The following PLAT variants were observed in gnomAD, a reference collection of about 807,000 sequenced individuals.
PLAT encodes plasminogen activator, tissue type.
In PLAT, 48 loss-of-function variants were observed where a neutral mutation model predicts 74.9. That is an observed-to-expected ratio of 0.64 (90% CI 0.51 to 0.82). The LOEUF (loss-of-function observed/expected upper bound fraction) is 0.82, where lower values mean the gene tolerates loss of function less well. PLAT is among the 40% of genes least tolerant of loss of function. PLAT has a pLI of 0.00. For synonymous variants in PLAT, 307 were observed against 294.4 expected (o/e 1.04, Z -0.44); for missense variants, 673 against 736.2 (o/e 0.91, Z 0.99).
intron 1 of PLAT, among the ~76,000 whole-genome samples, chr8:42,204,879 G>A (rs561636201): frequency 3.9e-5 from 6 of 152,066 alleles, no homozygotes; most frequent in African/African-American, 1.2e-4. Flanking sequence ...TTAGCCGGGC[G>A]TGGTGGCTTC....
rs776079671 is a variant in PLAT, at chr8:42,187,990, C to T, written c.280G>A (p.Gly94Arg). ...TACAGGGCCTGCTGGCAGGTGCCCCCGTTGAAACACCTTGGCTCGCTGCAA... is the reference window on the plus strand; with the variant it reads ...TACAGGGCCTGCTGGCAGGTGCCCCTGTTGAAACACCTTGGCTCGCTGCAA... ...KSCSEPRCFN[G>R]GTCQQALYFS... is the part of the protein sequence containing the mutation. Residue 94 changes from glycine to arginine, a missense_variant, in exon 5 of 14, where the codon GGG becomes AGG. Coordinates refer to ENST00000220809, the MANE Select transcript of PLAT (RefSeq NM_000930.5). 3.5e-5 allele frequency: 57 copies of T among 1,612,894 alleles called. No homozygotes were observed. Among genetic ancestry groups the T allele is most frequent in the Non-Finnish European group, 3.2e-5 (38 of 1,179,068 alleles).
chr8:42,184,180 G>T (rs541471187), intron 7 of PLAT, among the ~76,000 whole-genome samples: 1 of 151,372 alleles, frequency 6.6e-6, no homozygotes, highest in East Asian at 1.9e-4. Context: ...GGCTCAAGCA[G>T]TTCTCCCGCC....
chr8:42,188,051 G>T (rs763520152), intron 4 of PLAT, 35 bp from the exon 5 acceptor site: 1 of 1,293,748 alleles, frequency 7.7e-7, no homozygotes, highest in Non-Finnish European at 1.1e-6. Flanking sequence ...CCTAATGACA[G>T]CCTCCTTCTG....
At chr8:42,190,281 T>C (rs1348506427) in intron 3 of PLAT, among the ~76,000 whole-genome samples, 1 of 152,184 alleles carries the variant, frequency 6.6e-6, no homozygotes, top group African/African-American at 2.4e-5. Flanking sequence ...CATAACTGTC[T>C]ACCAGAGTTT....
chr8:42,177,969 C>T (rs941486951), intron 13 of PLAT, among the ~76,000 whole-genome samples: 2 of 152,196 alleles, frequency 1.3e-5, no homozygotes, highest in African/African-American at 4.8e-5. Context: ...ACTGAAATGT[C>T]TGAGGAAGAT....
rs550967350 is a variant in PLAT at position 42,184,188 on chromosome 8, G to A, written c.631+893C>T. 5.3e-5 allele frequency among the ~76,000 whole-genome samples: 8 copies of A among 151,924 alleles called. No homozygotes were observed. The South Asian group carries it at 1.5e-3, about 28-fold the overall frequency. ...ACTCCTGGGCTCAAGCAGTTCTCCC[G>A]CCTCAGCCTCCCAAAGTGCTGGGAT... On this transcript the variant is annotated intron_variant, in intron 7 of 13. Coordinates refer to ENST00000220809, the MANE Select transcript of PLAT (RefSeq NM_000930.5).
rs1411306656 is a variant in PLAT, at chr8:42,182,554, A to G, written c.803+165T>C. Reference sequence around the variant, plus strand: ...AAACTGGTAGACCTTGCTTTTCACAATATGTGTTATTCTAGCAAGTGAAGA... The same window carrying G: ...AAACTGGTAGACCTTGCTTTTCACAGTATGTGTTATTCTAGCAAGTGAAGA... On this transcript the variant is annotated intron_variant, in intron 8 of 13. Transcript: ENST00000220809. 5.4e-6 allele frequency: 3 copies of G among 552,030 alleles called. No individual in the cohort carries two copies. In the East Asian group the frequency reaches 9.3e-5, roughly 17 times the overall value. 34.2% of individuals were successfully genotyped at this position (552,030 alleles called of 1,614,324 possible).
At position 42,181,984 on chromosome 8, in the gene PLAT, A is replaced by G. The variant is rs1324085746; in HGVS notation, c.842T>C (p.Leu281Pro). Residue 281 changes from leucine to proline, a missense_variant, in exon 9 of 14, where the codon CTG (leucine) becomes CCG (proline). By Grantham distance (98) the Leu-to-Pro change is moderately conservative. Transcript: ENST00000220809. The stretch of plus-strand genomic sequence containing the variant: ...CTCCCACGTCAGCCTGCGGTTCTTC[A>G]GCACGTGGCACCAGGGCTTGGCATC... Reference protein sequence around the residue: ...DGDAKPWCHVLKNRRLTWEYC... With the variant: ...DGDAKPWCHVPKNRRLTWEYC... 1.2e-6 allele frequency: 2 copies of G among 1,612,744 alleles called. No homozygotes were observed. Among genetic ancestry groups the G allele is most frequent in the Non-Finnish European group, 8.5e-7 (1 of 1,178,680 alleles).
chr8:42,194,239 AGAGTGTGTGT>A (rs755043978), intron 1 of PLAT, among the ~76,000 whole-genome samples: 11,404 of 105,326 alleles, frequency 0.11, 638 homozygotes, highest in Non-Finnish European at 0.14. Flanking sequence ...AGAGAGAGAG[AGAGTGTGTGT>A]GTGTGTGTGT....
intron 1 of PLAT, among the ~76,000 whole-genome samples, chr8:42,194,391 G>A (rs535767829): frequency 3.3e-5 from 5 of 152,214 alleles, no homozygotes; most frequent in African/African-American, 9.6e-5. Context: ...GAGCCACCGC[G>A]CCCAGCATTT....
intron 13 of PLAT, 72 bp downstream of exon 13, chr8:42,178,825 G>GT: frequency 7.0e-7 from 1 of 1,430,478 alleles, no homozygotes. Context: ...TTTTTCTTTG[G>GT]TGAAGAACCT....
At chr8:42,178,828 A>T in intron 13 of PLAT, 69 bp downstream of exon 13, 1 of 1,448,834 alleles carries the variant, frequency 6.9e-7, no homozygotes, top group South Asian at 1.3e-5. Flanking sequence ...TTCTTTGGTG[A>T]AGAACCTGTT....
intron 1 of PLAT, among the ~76,000 whole-genome samples, chr8:42,199,894 A>G (rs1037035882): frequency 6.6e-6 from 1 of 152,228 alleles, no homozygotes; most frequent in African/African-American, 2.4e-5. Context: ...TTCGTTCCTC[A>G]TGTTCCTTCC....
At position 42,175,904 on chromosome 8, in the gene PLAT, G is replaced by T; in HGVS notation, c.*89C>A. The T allele has an allele frequency of 7.5e-7, 1 of 1,332,550 alleles. No homozygotes were observed. Among genetic ancestry groups the T allele is most frequent in the Non-Finnish European group, 1.1e-6 (1 of 941,738 alleles). 82.5% of individuals were successfully genotyped at this position (1,332,550 alleles called of 1,614,324 possible). A position where few individuals can be genotyped will look rare whatever the true frequency, so the allele number is the denominator to read the frequency against. On this transcript the variant is annotated 3_prime_UTR_variant, in exon 14 of 14. Transcript: ENST00000220809. ...TCTGCGGTGTGGTGGGTCTGGAGAA[G>T]TCTGTAGAGAAGCACTGCGCCTTTG... is the stretch of plus-strand genomic sequence containing the variant.
In PLAT at chr8:42,185,110, T is replaced by C; in HGVS notation, c.602A>G (p.Glu201Gly). The change falls in exon 7 of 14, where the codon GAG becomes GGG. Residue 201 changes from glutamate (E) to glycine (G), a missense_variant. Coordinates refer to ENST00000220809, the MANE Select transcript of PLAT (RefSeq NM_000930.5). Reference protein sequence around the residue: ...YVFKAGKYSSEFCSTPACSEG... With the variant: ...YVFKAGKYSSGFCSTPACSEG... The stretch of plus-strand genomic sequence containing the variant: ...AGAGCAGGCAGGGGTGCTGCAGAAC[T>C]CTGAGCTGTACTTCCCCGCCTTAAA... 1 of 1,611,900 alleles carries C rather than the reference T, an allele frequency of 6.2e-7. No homozygotes were observed.
intron 7 of PLAT, 47 bp from the exon 8 acceptor site, chr8:42,182,937 C>G (rs762115609): frequency 2.0e-6 from 3 of 1,515,100 alleles, no homozygotes; most frequent in South Asian, 2.4e-5. Flanking sequence ...AATTCTGAAG[C>G]ACGCAAGTCA....
At chr8:42,179,126 A>G (rs1451338617) in intron 12 of PLAT, 63 bp from the exon 13 acceptor site, 7 of 1,285,456 alleles carry the variant, frequency 5.4e-6, no homozygotes, top group Non-Finnish European at 6.6e-6. Context: ...TTTGAAAGAG[A>G]AAGCCAAATT....
rs1181211975 is a variant in PLAT at position 42,194,237 on chromosome 8, AGAGAGTGTGT to A, written c.-26-1036_-26-1027del. On this transcript the variant is annotated intron_variant, in intron 1 of 13. Coordinates refer to ENST00000220809, the MANE Select transcript of PLAT (RefSeq NM_000930.5). ...GGCTGAGAGAGAGAGAGAGAGAGAG[AGAGAGTGTGT>A]GTGTGTGTGTGTGTGTGTGTGTGTG... 6.5e-3 allele frequency among the ~76,000 whole-genome samples: 395 copies of A among 60,604 alleles called. 2 individuals are homozygous for A. Among genetic ancestry groups the A allele is most frequent in the Non-Finnish European group, 0.011 (285 of 26,778 alleles). The allele number at this position is 60,604 out of a possible 152,430, so 39.8% of individuals were successfully genotyped here.
At chr8:42,181,619 G>A (rs1354732102) in intron 9 of PLAT, among the ~76,000 whole-genome samples, 1 of 152,208 alleles carries the variant, frequency 6.6e-6, no homozygotes, top group Non-Finnish European at 1.5e-5. Flanking sequence ...TGCATGCGAG[G>A]CCTCCTCCTC....
Sources: allele counts gnomAD v4.1 joint callset (sites outside exome capture counted in the v4.1 genomes callset), GRCh38; gene constraint gnomAD v4.1.1; transcripts MANE v1.5; gene names NCBI Gene and HGNC (gene_info 2026-07-23, HGNC 2026-07-21).